CSMD1: variants seen among roughly 807,000 people sequenced by gnomAD.
The protein encoded by CSMD1 is CUB and sushi domain-containing protein 1.
Under a neutral mutation model 417.5 loss-of-function variants are expected in CSMD1, and 213 were observed. That is an observed-to-expected ratio of 0.51 (90% CI 0.46 to 0.57). The LOEUF is 0.57. CSMD1 is among the 20% of genes least tolerant of loss of function. CSMD1 has a pLI of 0.00. For missense variants in CSMD1, 6,923 were observed against 4,529.7 expected (o/e 1.53, Z -15.17); for synonymous variants, 2,862 against 1,736.8 (o/e 1.65, Z -16.11).
At chr8:3,956,120 G>C (rs1015129429) in intron 5 of CSMD1, among the ~76,000 whole-genome samples, 5 of 152,150 alleles carry the variant, frequency 3.3e-5, no homozygotes, top group Admixed American at 1.3e-4. Flanking sequence ...ACCCTTTTAA[G>C]TTCTGACCAG....
intron 5 of CSMD1, among the ~76,000 whole-genome samples, chr8:3,859,963 G>T (rs1000921066): frequency 1.3e-5 from 2 of 152,244 alleles, no homozygotes; most frequent in Non-Finnish European, 2.9e-5. Flanking sequence ...GAGTCCCAGT[G>T]AATTTTCAAG....
At chr8:4,904,982 A>T (rs1425632232) in intron 1 of CSMD1, among the ~76,000 whole-genome samples, 1 of 152,170 alleles carries the variant, frequency 6.6e-6, no homozygotes, top group Non-Finnish European at 1.5e-5. Flanking sequence ...AACATAGTAC[A>T]ATTTGCAAAG....
intron 2 of CSMD1, among the ~76,000 whole-genome samples, chr8:4,472,298 C>G (rs1033854988): frequency 6.6e-6 from 1 of 152,178 alleles, no homozygotes; most frequent in African/African-American, 2.4e-5. Context: ...AAGTAAAGCT[C>G]TAATTTTTAC....
intron 5 of CSMD1, among the ~76,000 whole-genome samples, chr8:3,792,557 G>C (rs1287636622): frequency 1.3e-5 from 2 of 152,084 alleles, no homozygotes; most frequent in African/African-American, 4.8e-5. Flanking sequence ...TAGTAACTTT[G>C]GAATTGACTC....
intron 26 of CSMD1, among the ~76,000 whole-genome samples, chr8:3,236,208 G>A (rs551326527): frequency 4.6e-5 from 7 of 152,098 alleles, no homozygotes; most frequent in East Asian, 3.9e-4. Flanking sequence ...GTGAGCCACC[G>A]CGCCTCGCCG....
intron 31 of CSMD1, among the ~76,000 whole-genome samples, chr8:3,203,743 C>G (rs1362480774): frequency 1.3e-5 from 2 of 152,122 alleles, no homozygotes; most frequent in Non-Finnish European, 2.9e-5. Flanking sequence ...TACTAACATG[C>G]TTAGATTTGT....
At chr8:4,761,996 C>G (rs867293188) in intron 1 of CSMD1, among the ~76,000 whole-genome samples, 3 of 151,584 alleles carry the variant, frequency 2.0e-5, no homozygotes, top group Non-Finnish European at 4.4e-5. Flanking sequence ...CCAAAATTAA[C>G]ATGGAAAACT....
At chr8:2,940,956 A>ATAT (rs1400115746) in intron 69 of CSMD1, among the ~76,000 whole-genome samples, 8 of 152,206 alleles carry the variant, frequency 5.3e-5, no homozygotes, top group African/African-American at 1.9e-4. Flanking sequence ...ATTTTTGTGT[A>ATAT]TATCCCTTTA....
At chr8:3,403,030 A>G (rs1380852710) in intron 15 of CSMD1, among the ~76,000 whole-genome samples, 1 of 152,142 alleles carries the variant, frequency 6.6e-6, no homozygotes, top group Non-Finnish European at 1.5e-5. Context: ...TCTTTAATGT[A>G]AAATTATAGT....
rs11358404 is a variant in CSMD1 at position 3,416,302 on chromosome 8, C to CAA, written c.1562-6699_1562-6698dup. Among the ~76,000 whole-genome samples the CAA allele has an allele frequency of 2.4e-3, 142 of 58,858 alleles. 2 individuals carry two copies. Among genetic ancestry groups the CAA allele is most frequent in the South Asian group, 8.8e-3 (10 of 1,132 alleles). 38.6% of individuals were successfully genotyped at this position (58,858 alleles called of 152,430 possible). On this transcript the variant is annotated intron_variant, in intron 12 of 69. Coordinates refer to ENST00000635120, the MANE Select transcript of CSMD1 (RefSeq NM_033225.6). The stretch of plus-strand genomic sequence containing the variant: ...TGAGCCACAGAGCCAGACTCCGTCT[C>CAA]AAAAAAAAAAAAAAAAAAAAAAAAG...
At chr8:4,283,510 T>C (rs1796900137) in intron 3 of CSMD1, among the ~76,000 whole-genome samples, 1 of 152,210 alleles carries the variant, frequency 6.6e-6, no homozygotes, top group Non-Finnish European at 1.5e-5. Context: ...TCCAATCATT[T>C]TATAGAACTA....
chr8:4,411,299 T>C (rs1035049680), intron 3 of CSMD1, among the ~76,000 whole-genome samples: 1 of 152,326 alleles, frequency 6.6e-6, no homozygotes, highest in South Asian at 2.1e-4. Context: ...CTTTACTATA[T>C]TCCTTTTAGA....
intron 51 of CSMD1, among the ~76,000 whole-genome samples, chr8:3,024,131 T>G (rs932501582): frequency 6.8e-6 from 1 of 146,166 alleles, no homozygotes; most frequent in Non-Finnish European, 1.5e-5. Flanking sequence ...ATTCATGGTG[T>G]GGTGTGTGTG....
intron 10 of CSMD1, among the ~76,000 whole-genome samples, chr8:3,565,817 T>C (rs948566904): frequency 5.3e-5 from 8 of 151,182 alleles, no homozygotes; most frequent in South Asian, 2.1e-4. Context: ...CTCAAATATA[T>C]TGTTTTTTTT....
Position 4,429,025 on chromosome 8 carries a change from T to C in CSMD1, c.303-8960A>G, listed in dbSNP as rs554174663. Among the ~76,000 whole-genome samples, 25 of 152,136 alleles carry C rather than the reference T, an allele frequency of 1.6e-4. No homozygotes were observed. The South Asian group carries it at 4.4e-3, about 27-fold the overall frequency. On this transcript the variant is annotated intron_variant, in intron 2 of 69. Transcript: ENST00000635120. ...CACTGCACGTCGGCCTTATCTTAGG[T>C]ATTTTTTTAATAAGAGTTTTACATA...
chr8:3,912,335 G>C (rs1023046750), intron 5 of CSMD1, among the ~76,000 whole-genome samples: 5 of 152,110 alleles, frequency 3.3e-5, no homozygotes, highest in African/African-American at 1.2e-4. Context: ...AATCAATCTG[G>C]TTTCAGTCAA....
intron 5 of CSMD1, among the ~76,000 whole-genome samples, chr8:3,776,208 G>A (rs926123986): frequency 1.3e-5 from 2 of 152,128 alleles, no homozygotes; most frequent in African/African-American, 4.8e-5. Flanking sequence ...CAGCACCGGA[G>A]GGTGCCCTGT....
At chr8:3,701,965 G>C (rs1040207865) in intron 7 of CSMD1, among the ~76,000 whole-genome samples, 128 of 152,096 alleles carry the variant, frequency 8.4e-4, no homozygotes, top group African/African-American at 3.0e-3. Context: ...ATTCTGTTTT[G>C]CTTCAGGTCT....
intron 5 of CSMD1, among the ~76,000 whole-genome samples, chr8:3,942,804 T>C (rs375695764): frequency 6.6e-6 from 1 of 152,174 alleles, no homozygotes; most frequent in Non-Finnish European, 1.5e-5. Context: ...GAAAAATATT[T>C]TGGCAATACC....
Sources: gnomAD v4.1 joint callset for allele counts (sites outside exome capture counted in the v4.1 genomes callset) on GRCh38, gnomAD v4.1.1 for gene constraint, MANE v1.5 for transcripts, NCBI Gene and HGNC (gene_info 2026-07-23, HGNC 2026-07-21) for gene names.